MLC1: variants seen among roughly 807,000 people sequenced by gnomAD.
MLC1 encodes the protein modulator of VRAC current 1, also known as membrane protein MLC1.
MLC1 carries 32 observed loss-of-function variants against 44.7 expected under a neutral mutation model. That is an observed-to-expected ratio of 0.72 (90% confidence interval 0.54 to 0.96). The LOEUF (loss-of-function observed/expected upper bound fraction) is 0.96. Among genes scored for constraint, MLC1 ranks in the 40% least tolerant of loss-of-function variants. The probability of loss-of-function intolerance (pLI) is 0.00; values close to 1 mark genes in which losing one functional copy is unlikely to be tolerated. For missense variants in MLC1, 459 were observed against 492.2 expected, an observed-to-expected ratio of 0.93 and a Z score of 0.64; for synonymous variants, 190 against 213.0, an observed-to-expected ratio of 0.89 and a Z score of 0.94.
intron 5 of MLC1, among the ~76,000 whole-genome samples, chr22:50,079,544 C>A (rs1182107026): frequency 9.3e-6 from 1 of 108,078 alleles, no homozygotes; most frequent in East Asian, 3.1e-4. Flanking sequence ...CTTGCTCTGT[C>A]TTCCAGGCTG....
intron 11 of MLC1, among the ~76,000 whole-genome samples, chr22:50,062,654 T>G (rs1361084158): frequency 2.0e-5 from 3 of 152,220 alleles, no homozygotes; most frequent in East Asian, 3.9e-4. Context: ...GGTGGTGTGC[T>G]GAACACAGGA....
intron 5 of MLC1, among the ~76,000 whole-genome samples, chr22:50,078,298 T>C (rs1390253293): frequency 6.6e-6 from 1 of 151,948 alleles, no homozygotes; most frequent in East Asian, 1.9e-4. Context: ...GCCTGACAAT[T>C]TTTAAAATAC....
chr22:50,080,183 T>G (rs891467453), intron 4 of MLC1, among the ~76,000 whole-genome samples, 161 bp downstream of exon 4: 7 of 152,244 alleles, frequency 4.6e-5, no homozygotes, highest in African/African-American at 1.7e-4. Flanking sequence ...CGGCAAAGGC[T>G]GGGCTGGGCA....
chr22:50,068,476 A>G lies in MLC1; in HGVS notation c.851T>C (p.Met284Thr), dbSNP rs1418018088. The G allele has an allele frequency of 9.9e-6, 16 of 1,610,254 alleles. No homozygotes were observed. Among genetic ancestry groups the G allele is most frequent in the Admixed American group, 1.7e-5 (1 of 59,994 alleles). The change falls in exon 10 of 12, where the codon ATG (methionine) becomes ACG (threonine). Residue 284 changes from methionine to threonine, a missense_variant. Transcript: ENST00000311597. ...ATCCTTAAACATCTCCACGATTCTC[A>G]TGATGCTGAATGACAGATATCCAGA... ...TASGYLSFSI[M>T]RIVEMFKDYP...
Position 50,080,338 on chromosome 22 carries a change from A to G in MLC1, c.321+6T>C. 1.9e-6 allele frequency: 3 copies of G among 1,605,784 alleles called. No individual in the cohort carries two copies. The highest frequency in any genetic ancestry group is 2.6e-6 in the Non-Finnish European group (3 of 1,176,184). The stretch of plus-strand genomic sequence containing the variant: ...CTGGCAGAGGCTGCCTGCAAGCTAG[A>G]CTCACCACATTGGCGTTCCTCCTGG... On this transcript the variant is annotated splice_donor_region_variant and intron_variant, in intron 4 of 11. Transcript: ENST00000311597.
chr22:50,070,888 G>A (rs2061835987), intron 8 of MLC1, among the ~76,000 whole-genome samples: 1 of 152,194 alleles, frequency 6.6e-6, no homozygotes, highest in African/African-American at 2.4e-5. Flanking sequence ...AATCACCAGA[G>A]TCCTTGACAT....
Position 50,067,726 on chromosome 22 carries a change from CAT to C in MLC1, c.894+705_894+706del, listed in dbSNP as rs1287096531. On this transcript the variant is annotated intron_variant, in intron 10 of 11. Transcript: ENST00000311597. Reference sequence around the variant, plus strand: ...TCCTCCATCAGACAGTGACTCCATCCATCCATCAGACAGTGACTCCATCCATC... The same window carrying C: ...TCCTCCATCAGACAGTGACTCCATCCCCATCAGACAGTGACTCCATCCATC... 7.2e-3 allele frequency among the ~76,000 whole-genome samples: 789 copies of C among 109,272 alleles called. 125 individuals are homozygous for C. Among genetic ancestry groups the C allele is most frequent in the Non-Finnish European group, 0.011 (545 of 49,066 alleles). The allele number at this position is 109,272 out of a possible 152,430, so 71.7% of individuals were successfully genotyped here.
At position 50,081,444 on chromosome 22, in the gene MLC1, C is replaced by T. The variant is rs181269632; in HGVS notation, c.268-1047G>A. On this transcript the variant is annotated intron_variant, in intron 3 of 11. Coordinates refer to ENST00000311597, the MANE Select transcript of MLC1 (RefSeq NM_015166.4). ...GGGAGGCAGAAAGGAGTCCCACAGC[C>T]TTCTTGTCCTCAGCCTTCTTGTCCC... Among the ~76,000 whole-genome samples, 86 of 148,912 alleles carry T rather than the reference C, an allele frequency of 5.8e-4. No individual in the cohort carries two copies. The East Asian group carries it at 0.016, about 27-fold the overall frequency.
chr22:50,080,900 C>G (rs966158146), intron 3 of MLC1, among the ~76,000 whole-genome samples: 3 of 151,532 alleles, frequency 2.0e-5, no homozygotes, highest in Non-Finnish European at 4.4e-5. Flanking sequence ...GCTCACACCT[C>G]TAGTCCCAAC....
intron 10 of MLC1, among the ~76,000 whole-genome samples, chr22:50,065,818 T>A (rs1601978815): frequency 6.6e-6 from 1 of 152,202 alleles, no homozygotes; most frequent in African/African-American, 2.4e-5. Flanking sequence ...GCAGTCTCTC[T>A]CCTAGCTGGA....
At chr22:50,061,948 G>T (rs1006897037) in intron 11 of MLC1, among the ~76,000 whole-genome samples, 1 of 152,226 alleles carries the variant, frequency 6.6e-6, no homozygotes, top group Non-Finnish European at 1.5e-5. Flanking sequence ...CGGGGAGCGG[G>T]GGGAGGCCGC....
chr22:50,081,203 C>T (rs144335640), intron 3 of MLC1, among the ~76,000 whole-genome samples: 1,619 of 151,684 alleles, frequency 0.011, 27 homozygotes, highest in African/African-American at 0.037. Flanking sequence ...ATTAGCTGGG[C>T]GTGGTGGCGG....
Position 50,079,500 on chromosome 22 carries a change from C to CTTTTTT in MLC1, c.423+412_423+417dup, listed in dbSNP as rs55760839. Among the ~76,000 whole-genome samples, 145 of 75,806 alleles carry CTTTTTT rather than the reference C, an allele frequency of 1.9e-3. 4 individuals carry two copies. Among genetic ancestry groups the CTTTTTT allele is most frequent in the Non-Finnish European group, 2.7e-3 (111 of 40,642 alleles). 49.7% of individuals were successfully genotyped at this position (75,806 alleles called of 152,430 possible). Reference sequence around the variant, plus strand: ...TCCTGGTTTCCTTTGGGATTTTTGTCTTTTTTTTTTTTTTTTTTTTTTTGA... The same window carrying CTTTTTT: ...TCCTGGTTTCCTTTGGGATTTTTGTCTTTTTTTTTTTTTTTTTTTTTTTTTTTTTGA... On this transcript the variant is annotated intron_variant, in intron 5 of 11. Coordinates refer to ENST00000311597, the MANE Select transcript of MLC1 (RefSeq NM_015166.4).
At chr22:50,082,433 A>T (rs1240186508) in intron 3 of MLC1, among the ~76,000 whole-genome samples, 1 of 152,194 alleles carries the variant, frequency 6.6e-6, no homozygotes, top group Admixed American at 6.5e-5. Context: ...GGCACTGTGT[A>T]AGTTTCTAAA....
intron 11 of MLC1, among the ~76,000 whole-genome samples, chr22:50,061,949 G>A (rs2061568811): frequency 6.6e-6 from 1 of 152,240 alleles, no homozygotes; most frequent in South Asian, 2.1e-4. Flanking sequence ...GGGGAGCGGG[G>A]GGAGGCCGCC....
chr22:50,064,197 G>A lies in MLC1; in HGVS notation c.896C>T (p.Pro299Leu), dbSNP rs1432155562. 3 of 1,593,592 alleles carry A rather than the reference G, an allele frequency of 1.9e-6. 1 individual carries two copies. The South Asian group carries it at 3.3e-5, about 18-fold the overall frequency. ...CAGCAGCAGCAGCACATCGTAGGAT[G>A]GCTGCAGGCGGAAGGAGGTGTGAGC... ...MFKDYPPAIK[P>L]SYDVLLLLLL... The change falls in exon 11 of 12, where the codon CCA becomes CTA. Residue 299 changes from proline (P) to leucine (L), a missense_variant and splice_region_variant. Coordinates refer to ENST00000311597, the MANE Select transcript of MLC1 (RefSeq NM_015166.4).
At chr22:50,062,683 A>C (rs949189259) in intron 11 of MLC1, among the ~76,000 whole-genome samples, 1 of 152,236 alleles carries the variant, frequency 6.6e-6, no homozygotes, top group African/African-American at 2.4e-5. Flanking sequence ...TGTGCAGGGC[A>C]AGAGCAGCGG....
chr22:50,081,009 A>AGAAAGAAAGAAAGAAAGAAAGAAAG (rs1555967988), intron 3 of MLC1, among the ~76,000 whole-genome samples: 4 of 96,740 alleles, frequency 4.1e-5, no homozygotes, highest in Non-Finnish European at 6.0e-5. Context: ...TTGTCTCAAA[A>AGAAAGAAAGAAAGAAAGAAAGAAAG]AAAGAAAGAA....
intron 11 of MLC1, among the ~76,000 whole-genome samples, chr22:50,062,732 C>T (rs1293704951): frequency 6.6e-6 from 1 of 152,236 alleles, no homozygotes; most frequent in Non-Finnish European, 1.5e-5. Context: ...GGGCAGGACT[C>T]AGAGCCCCGC....
Sources: allele counts gnomAD v4.1 joint callset (sites outside exome capture counted in the v4.1 genomes callset), GRCh38; gene constraint gnomAD v4.1.1; transcripts MANE v1.5; gene names NCBI Gene and HGNC (gene_info 2026-07-23, HGNC 2026-07-21).